MICALL2: variants seen among roughly 807,000 people sequenced by gnomAD.
MICALL2 encodes the protein MICAL-like protein 2.
A neutral mutation model predicts 91.1 loss-of-function variants in MICALL2; 111 were observed. The observed-to-expected ratio is 1.22, with a 90% CI of 1.04 to 1.43. The LOEUF is 1.43. Ranked by LOEUF, MICALL2 falls within the 40% of genes most tolerant of loss-of-function variation. The pLI is 0.00. For missense variants in MICALL2, 1,556 were observed against 1,236.0 expected (o/e 1.26, Z -3.88); for synonymous variants, 694 against 525.3 (o/e 1.32, Z -4.39).
In MICALL2 at chr7:1,445,286, C is replaced by T. The variant is rs181998278; in HGVS notation, c.784G>A (p.Ala262Thr). Residue 262 changes from alanine (A) to threonine (T), a missense_variant, in exon 6 of 17, where the codon GCC becomes ACC. Coordinates refer to ENST00000297508, the MANE Select transcript of MICALL2 (RefSeq NM_182924.4). ...GAGGTCCTGGAATCCACACCCATGG[C>T]CCCTGGCTGTCGGGGGACCAGACCC... ...LTGLVPRQPG[A>T]MGVDSRTSCS... 3.4e-4 allele frequency: 541 copies of T among 1,612,330 alleles called. 5 individuals carry two copies. The East Asian group carries it at 9.7e-3, about 29-fold the overall frequency.
intron 15 of MICALL2, 34 bp from the exon 16 acceptor site, chr7:1,435,181 G>A (rs201612761): frequency 3.5e-5 from 56 of 1,611,584 alleles, no homozygotes; most frequent in African/African-American, 8.0e-5. Context: ...GAGCGACAAT[G>A]GCAATGGCAA....
In MICALL2 at chr7:1,440,573, G is replaced by T; in HGVS notation, c.1805+18C>A. ...CTATGGTGTACCAGGCCCTGGGCCA[G>T]CCCCACCCATCCCTAACCTCTCAGC... is the stretch of plus-strand genomic sequence containing the variant. On this transcript the variant is annotated intron_variant, in intron 8 of 16. Transcript: ENST00000297508. 1 of 1,607,620 alleles carries T rather than the reference G, an allele frequency of 6.2e-7. No homozygotes were observed. The highest frequency in any genetic ancestry group is 8.5e-7 in the Non-Finnish European group (1 of 1,175,380).
At chr7:1,439,722 T>C (rs1056039092) in intron 9 of MICALL2, 57 of 443,922 alleles carry the variant, frequency 1.3e-4, no homozygotes, top group South Asian at 1.9e-4. Context: ...AGGCATCACA[T>C]ACATGAACAC....
intron 15 of MICALL2, among the ~76,000 whole-genome samples, chr7:1,436,070 CAACAA>C (rs1407790913): frequency 6.8e-6 from 1 of 146,292 alleles, no homozygotes; most frequent in Non-Finnish European, 1.5e-5. Context: ...AAAATACAAA[CAACAA>C]AACAAAACAA....
At chr7:1,440,561 G>A (rs371744251) in intron 8 of MICALL2, 30 bp downstream of exon 8, 98 of 1,585,628 alleles carry the variant, frequency 6.2e-5, no homozygotes, top group Non-Finnish European at 8.1e-5. Context: ...TGGTGTACCA[G>A]GCCCTGGGCC....
rs1243678442 is a variant in MICALL2 at position 1,452,274 on chromosome 7, C to T, written c.144-1986G>A. ...GCAGCGAAAGCGGTTTCCGTCTGCT[C>T]GGGCCTGGGCCGATGCCTCTGTCTG... is the stretch of plus-strand genomic sequence containing the variant. On this transcript the variant is annotated intron_variant, in intron 1 of 16. Transcript: ENST00000297508. The surrounding 1 kb of genome is among the most constrained non-coding windows in gnomAD (Gnocchi z 6.2). 1.3e-5 allele frequency among the ~76,000 whole-genome samples: 2 copies of T among 152,176 alleles called. No individual in the cohort carries two copies. Among genetic ancestry groups the T allele is most frequent in the Non-Finnish European group, 2.9e-5 (2 of 68,012 alleles).
intron 7 of MICALL2, 99 bp downstream of exon 7, chr7:1,442,093 G>A: frequency 1.5e-6 from 2 of 1,343,090 alleles, no homozygotes; most frequent in Non-Finnish European, 2.1e-6. Flanking sequence ...AAGGCGGGCG[G>A]GGCTGATGAT....
At chr7:1,436,642 TG>T in intron 15 of MICALL2, 99 bp downstream of exon 15, 1 of 789,312 alleles carries the variant, frequency 1.3e-6, no homozygotes, top group Non-Finnish European at 1.9e-6. Context: ...AATAACCGCC[TG>T]GTCAGAAAGT....
chr7:1,449,371 G>A (rs943534888), intron 2 of MICALL2, among the ~76,000 whole-genome samples: 3 of 152,200 alleles, frequency 2.0e-5, no homozygotes, highest in East Asian at 1.9e-4. Flanking sequence ...AGGCTGGAGC[G>A]CAGCGTCAGC....
At chr7:1,438,631 C>CAT in intron 10 of MICALL2, 1 of 1,422,214 alleles carries the variant, frequency 7.0e-7, no homozygotes, top group Non-Finnish European at 9.2e-7. Flanking sequence ...TCCATCATCA[C>CAT]CATGAGTCTG....
chr7:1,436,376 T>C (rs2128518647), intron 15 of MICALL2, among the ~76,000 whole-genome samples: 1 of 114,866 alleles, frequency 8.7e-6, no homozygotes, highest in South Asian at 2.6e-4. Context: ...GAGGGAAACT[T>C]CGTCTCAAAA....
In MICALL2 at chr7:1,435,879, G is replaced by A. The variant is rs866014569; in HGVS notation, c.2592-732C>T. On this transcript the variant is annotated intron_variant, in intron 15 of 16. Transcript: ENST00000297508. The stretch of plus-strand genomic sequence containing the variant: ...ATCCTGGCTAACATGGGGAAACCCC[G>A]TCTCTACTAAAAATCTAAAAAAATT... 8.6e-5 allele frequency among the ~76,000 whole-genome samples: 13 copies of A among 152,024 alleles called. No individual in the cohort carries two copies. In the South Asian group the frequency reaches 1.7e-3, roughly 19 times the overall value.
At chr7:1,446,890 GC>G in intron 4 of MICALL2, 62 bp from the exon 5 acceptor site, 2 of 1,201,278 alleles carry the variant, frequency 1.7e-6, no homozygotes, top group Non-Finnish European at 2.3e-6. Context: ...CCTGGTGGCA[GC>G]CCACAGGTGG....
rs137943311 is a variant in MICALL2, at chr7:1,442,337, C to A, written c.1566G>T (p.Thr522=). Residue 522 remains threonine (T), a synonymous_variant, in exon 7 of 17, where the codon ACG becomes ACT. Coordinates refer to ENST00000297508, the MANE Select transcript of MICALL2 (RefSeq NM_182924.4). ...ACGCGGATGCCTGAGAGGTACTGCT[C>A]GTGCTCAGCGGGGCTGGCGGTTCCA... ...SRMEPPAPLS[T]SSTSQASALP... The A allele has an allele frequency of 6.2e-7, 1 of 1,613,114 alleles. No individual in the cohort carries two copies. The highest frequency in any genetic ancestry group is 8.5e-7 in the Non-Finnish European group (1 of 1,179,838).
At chr7:1,456,083 A>C (rs1179472345) in intron 1 of MICALL2, among the ~76,000 whole-genome samples, 4 of 151,864 alleles carry the variant, frequency 2.6e-5, no homozygotes, top group Non-Finnish European at 5.9e-5. Context: ...GCAGAGGCTG[A>C]GGGCACGGGA....
In MICALL2 at chr7:1,440,616, C is replaced by T. The variant is rs142703120; in HGVS notation, c.1780G>A (p.Val594Met). The change falls in exon 8 of 17, where the codon GTG (valine) becomes ATG (methionine). Residue 594 changes from valine (V) to methionine (M), a missense_variant. Val to Met is a conservative substitution (Grantham distance 21). Coordinates refer to ENST00000297508, the MANE Select transcript of MICALL2 (RefSeq NM_182924.4). Reference sequence around the variant, plus strand: ...CTCTCAGCTGGGCTTCTCCTGTCCACGGGCTTCAGATTCGCTCTCCATCCT... The same window carrying T: ...CTCTCAGCTGGGCTTCTCCTGTCCATGGGCTTCAGATTCGCTCTCCATCCT... Reference protein sequence around the residue: ...PAGWRANLKPVDRRSPAERTL... With the variant: ...PAGWRANLKPMDRRSPAERTL... The T allele has an allele frequency of 8.8e-5, 142 of 1,612,754 alleles. No individual in the cohort carries two copies. In the African/African-American group the frequency reaches 1.6e-3, roughly 18 times the overall value.
intron 3 of MICALL2, 110 bp from the exon 4 acceptor site, chr7:1,447,875 T>A: frequency 6.9e-6 from 6 of 866,878 alleles, no homozygotes; most frequent in Non-Finnish European, 9.8e-6. Flanking sequence ...GGGGGGGACC[T>A]GGGGGCCCAG....
At chr7:1,448,911 C>T (rs1411550463) in intron 2 of MICALL2, 150 bp from the exon 3 acceptor site, 6 of 884,038 alleles carry the variant, frequency 6.8e-6, no homozygotes, top group Middle Eastern at 3.4e-4. Context: ...CGTGGCCTCC[C>T]GGCCTCAGCT....
At chr7:1,454,742 G>A (rs1780953704) in intron 1 of MICALL2, among the ~76,000 whole-genome samples, 1 of 152,190 alleles carries the variant, frequency 6.6e-6, no homozygotes, top group Admixed American at 6.5e-5. Context: ...CCTGGCCCAG[G>A]AAGTGAGGGC....
Sources: allele counts gnomAD v4.1 joint callset (sites outside exome capture counted in the v4.1 genomes callset), GRCh38; gene constraint gnomAD v4.1.1; non-coding constraint Gnocchi (gnomAD v3.1); transcripts MANE v1.5; gene names NCBI Gene and HGNC (gene_info 2026-07-23, HGNC 2026-07-21).